TEFM: variants seen among roughly 807,000 people sequenced by gnomAD.
The protein encoded by TEFM is transcription elongation factor, mitochondrial, also known as transcription elongation factor of mitochondria.
In TEFM, 14 loss-of-function variants were observed where a neutral mutation model predicts 23.0. The observed-to-expected ratio is 0.61, with a 90% CI of 0.40 to 0.95. TEFM has a LOEUF of 0.95. TEFM is among the 40% of genes least tolerant of loss of function. The probability of loss-of-function intolerance (pLI) is 0.00; values close to 1 mark genes in which losing one functional copy is unlikely to be tolerated. For missense variants in TEFM, 386 were observed against 425.5 expected, an observed-to-expected ratio of 0.91 and a Z score of 0.82; for synonymous variants, 155 against 158.3, an observed-to-expected ratio of 0.98 and a Z score of 0.16.
At position 30,899,276 on chromosome 17, in the gene TEFM, T is replaced by G. The variant is rs1366194769; in HGVS notation, c.976A>C (p.Arg326=). The G allele has an allele frequency of 6.2e-7, 1 of 1,614,246 alleles. No individual in the cohort carries two copies. ...FFPSDKIVHY[R]QMFLSTELQR... ...AGTTCAGTAGATAAAAACATCTGTC[T>G]GTAGTGAACTATTTTATCTGATGGG... Residue 326 remains arginine (R), a synonymous_variant, in exon 4 of 4, where the codon AGA becomes CGA. Transcript: ENST00000581216.
chr17:30,899,605 A>G lies in TEFM; in HGVS notation c.647T>C (p.Ile216Thr), dbSNP rs771831639. ...AGGCATCTTTGAAATGATCGAGGAA[A>G]TCTTTTTAAAAAAAGACAAAATAAA... ...IYSSSVYLEE[I>T]SSIISKMPKA... The change falls in exon 4 of 4, where the codon ATT becomes ACT. Residue 216 changes from isoleucine (I) to threonine (T), a missense_variant and splice_region_variant. Ile to Thr is a moderately conservative substitution (Grantham distance 89). Transcript: ENST00000581216. The G allele has an allele frequency of 2.0e-6, 3 of 1,501,120 alleles. No homozygotes were observed. The highest frequency in any genetic ancestry group is 1.8e-4 in the Middle Eastern group (1 of 5,558). 93.0% of individuals were successfully genotyped at this position (1,501,120 alleles called of 1,614,324 possible). A position where few individuals can be genotyped will look rare whatever the true frequency, so the allele number is the denominator to read the frequency against.
chr17:30,903,619 G>T (rs1421628836), intron 2 of TEFM, among the ~76,000 whole-genome samples: 4 of 151,598 alleles, frequency 2.6e-5, no homozygotes, highest in Admixed American at 1.3e-4. Flanking sequence ...AATTCTGCCG[G>T]AAAGACTGGT....
chr17:30,905,812 A>G (rs762007261), intron 1 of TEFM, among the ~76,000 whole-genome samples: 1 of 152,146 alleles, frequency 6.6e-6, no homozygotes, highest in Non-Finnish European at 1.5e-5. Context: ...AGCGGCTGTG[A>G]GAATGTGAAC....
At position 30,899,617 on chromosome 17, in the gene TEFM, A is replaced by C; in HGVS notation, c.646-11T>G. Reference sequence around the variant, plus strand: ...AATGATCGAGGAAATCTTTTTAAAAAAAGACAAAATAAAGGAACAGAAATA... The same window carrying C: ...AATGATCGAGGAAATCTTTTTAAAACAAGACAAAATAAAGGAACAGAAATA... On this transcript the variant is annotated splice_polypyrimidine_tract_variant and intron_variant, in intron 3 of 3. Coordinates refer to ENST00000581216, the MANE Select transcript of TEFM (RefSeq NM_024683.4). 6.7e-7 allele frequency: 1 copy of C among 1,485,046 alleles called. No individual in the cohort carries two copies. The highest frequency in any genetic ancestry group is 9.0e-7 in the Non-Finnish European group (1 of 1,112,912). The allele number at this position is 1,485,046 out of a possible 1,614,324, so 92.0% of individuals were successfully genotyped here. A position where few individuals can be genotyped will look rare whatever the true frequency, so the allele number is the denominator to read the frequency against.
intron 2 of TEFM, among the ~76,000 whole-genome samples, chr17:30,901,885 G>A (rs1026940697): frequency 6.6e-6 from 1 of 152,190 alleles, no homozygotes; most frequent in Admixed American, 6.5e-5. Context: ...GATAGTGGGA[G>A]CAGAATTAAT....
At position 30,899,389 on chromosome 17, in the gene TEFM, A is replaced by G. The variant is rs369154210; in HGVS notation, c.863T>C (p.Met288Thr). The change falls in exon 4 of 4, where the codon ATG becomes ACG. Residue 288 changes from methionine (M) to threonine (T), a missense_variant. Physicochemically the swap from Met to Thr is moderately conservative, Grantham distance 81. Coordinates refer to ENST00000581216, the MANE Select transcript of TEFM (RefSeq NM_024683.4). The part of the protein sequence containing the change: ...RNAVGKHFEL[M>T]IGDSRTSGKE... ...TCCACTAGTCCGGGAGTCACCAATCATCAGTTCAAAATGCTTCCCCACTGC... is the reference window on the plus strand; with the variant it reads ...TCCACTAGTCCGGGAGTCACCAATCGTCAGTTCAAAATGCTTCCCCACTGC... 77 of 1,614,088 alleles carry G rather than the reference A, an allele frequency of 4.8e-5. No homozygotes were observed. Among genetic ancestry groups the G allele is most frequent in the East Asian group, 6.7e-5 (3 of 44,904 alleles).
In TEFM at chr17:30,904,518, A is replaced by C. The variant is rs1360430149; in HGVS notation, c.43T>G (p.Cys15Gly). The change falls in exon 2 of 4, where the codon TGC (cysteine) becomes GGC (glycine). Residue 15 changes from cysteine to glycine, a missense_variant. Transcript: ENST00000581216. ...GATGACCTCGACGGGGTCAGAAAGC[A>C]TCTCCACCTCTCTAAAAGGAAAATT... ...VLFTAGERWR[C>G]FLTPSRSSLY... The C allele has an allele frequency of 6.3e-7, 1 of 1,597,890 alleles. No homozygotes were observed. Among genetic ancestry groups the C allele is most frequent in the Admixed American group, 1.8e-5 (1 of 56,528 alleles).
rs199574005 is a variant in TEFM at position 30,906,233 on chromosome 17, A to C, written c.-35T>G. ...GAATCAGTAGGTCCAGTCTTCCTCC[A>C]TTGACTTCCGGTTCCTGCGTGCTGC... is the stretch of plus-strand genomic sequence containing the variant. On this transcript the variant is annotated 5_prime_UTR_variant, in exon 1 of 4. An upstream start codon of the reference 5' UTR is lost. Coordinates refer to ENST00000581216, the MANE Select transcript of TEFM (RefSeq NM_024683.4). 6.2e-7 allele frequency: 1 copy of C among 1,614,200 alleles called. No individual in the cohort carries two copies. The highest frequency in any genetic ancestry group is 8.5e-7 in the Non-Finnish European group (1 of 1,180,010).
rs745859538 is a variant in TEFM at position 30,899,635 on chromosome 17, CAG to C, written c.646-31_646-30del. On this transcript the variant is annotated intron_variant, in intron 3 of 3. Transcript: ENST00000581216. ...TTTAAAAAAAGACAAAATAAAGGAA[CAG>C]AAATAATTCATTACATTTTATGTTT... 5 of 1,424,704 alleles carry C rather than the reference CAG, an allele frequency of 3.5e-6. No individual in the cohort carries two copies. In the East Asian group the frequency reaches 9.2e-5, roughly 26 times the overall value. 88.3% of individuals were successfully genotyped at this position (1,424,704 alleles called of 1,614,324 possible).
At chr17:30,904,000 C>G in intron 2 of TEFM, 66 bp downstream of exon 2, 1 of 1,439,220 alleles carries the variant, frequency 6.9e-7, no homozygotes, top group Non-Finnish European at 9.4e-7. Flanking sequence ...AACCCAATGC[C>G]CAGAAGAGTG....
At chr17:30,902,237 A>T (rs1910060147) in intron 2 of TEFM, among the ~76,000 whole-genome samples, 1 of 152,344 alleles carries the variant, frequency 6.6e-6, no homozygotes, top group Admixed American at 6.5e-5. Flanking sequence ...AGGAACAATT[A>T]GTTGTATACC....
At position 30,899,365 on chromosome 17, in the gene TEFM, C is replaced by G; in HGVS notation, c.887G>C (p.Gly296Ala). The G allele has an allele frequency of 1.9e-6, 3 of 1,614,214 alleles. No homozygotes were observed. The highest frequency in any genetic ancestry group is 2.5e-6 in the Non-Finnish European group (3 of 1,180,028). ...ELMIGDSRTS[G>A]KELVKQFLFD... ...GAGAAACTGCTTCACTAGCTCTTTT[C>G]CACTAGTCCGGGAGTCACCAATCAT... Residue 296 changes from glycine to alanine, a missense_variant, in exon 4 of 4, where the codon GGA becomes GCA. Coordinates refer to ENST00000581216, the MANE Select transcript of TEFM (RefSeq NM_024683.4).
intron 3 of TEFM, 53 bp downstream of exon 3, chr17:30,900,360 A>G: frequency 6.4e-7 from 1 of 1,562,602 alleles, no homozygotes; most frequent in Non-Finnish European, 8.8e-7. Context: ...CCAGAAGATT[A>G]AACTACACAA....
rs1376500943 is a variant in TEFM at position 30,904,099 on chromosome 17, G to T, written c.462C>A (p.Leu154=). 2 of 1,613,908 alleles carry T rather than the reference G, an allele frequency of 1.2e-6. No homozygotes were observed. The highest frequency in any genetic ancestry group is 8.5e-7 in the Non-Finnish European group (1 of 1,179,928). The change falls in exon 2 of 4, where the codon CTC becomes CTA. Residue 154 remains leucine (L), a synonymous_variant. Coordinates refer to ENST00000581216, the MANE Select transcript of TEFM (RefSeq NM_024683.4). ...TTTCTCTTTCTATGTCTGGTTTGAGGAGCTTTCTCAGGAACCGGTTTTCCG... is the reference window on the plus strand; with the variant it reads ...TTTCTCTTTCTATGTCTGGTTTGAGTAGCTTTCTCAGGAACCGGTTTTCCG... ...KSPENRFLRK[L]LKPDIERERL...
chr17:30,905,293 G>A (rs1910142230), intron 1 of TEFM, among the ~76,000 whole-genome samples: 1 of 152,092 alleles, frequency 6.6e-6, no homozygotes, highest in Non-Finnish European at 1.5e-5. Context: ...GGCCGAGGTG[G>A]GCGGATCACC....
At chr17:30,900,664 C>G in intron 2 of TEFM, 102 bp from the exon 3 acceptor site, 1 of 1,004,914 alleles carries the variant, frequency 1.0e-6, no homozygotes, top group Non-Finnish European at 1.4e-6. Context: ...TGCAGTGGCG[C>G]GATCTCAACT....
intron 3 of TEFM, chr17:30,900,153 GATA>G: frequency 2.3e-6 from 1 of 428,662 alleles, no homozygotes; most frequent in Middle Eastern, 6.0e-4. Context: ...ATAAAAGAGT[GATA>G]ATGTTCTATA....
chr17:30,899,878 G>A (rs773001113), intron 3 of TEFM: 5 of 281,268 alleles, frequency 1.8e-5, no homozygotes, highest in Admixed American at 4.6e-5. Flanking sequence ...AATATGTATT[G>A]GCTTTAAGGT....
At chr17:30,903,903 C>A (rs182253671) in intron 2 of TEFM, 163 bp downstream of exon 2, 461 of 601,528 alleles carry the variant, frequency 7.7e-4, no homozygotes, top group Non-Finnish European at 1.0e-3. Flanking sequence ...CTCTCAACTG[C>A]CAATTTACTA....
Sources: gnomAD v4.1 joint callset for allele counts (sites outside exome capture counted in the v4.1 genomes callset) on GRCh38, gnomAD v4.1.1 for gene constraint, MANE v1.5 for transcripts, NCBI Gene and HGNC (gene_info 2026-07-23, HGNC 2026-07-21) for gene names.